EYS: variants seen among roughly 807,000 people sequenced by gnomAD.
The protein encoded by EYS is EGF-like photoreceptor maintenance factor, also known as protein eyes shut homolog.
In EYS, 250 loss-of-function variants were observed where a neutral mutation model predicts 282.1. The ratio of observed to expected loss-of-function variants is 0.89; its 90% CI spans 0.80 to 0.98. The LOEUF (loss-of-function observed/expected upper bound fraction) is 0.98, where lower values mean the gene tolerates loss of function less well. Ranked by LOEUF, EYS falls within the 50% of genes least tolerant of loss-of-function variation. The probability of loss-of-function intolerance (pLI) is 0.00; values close to 1 mark genes in which losing one functional copy is unlikely to be tolerated. For missense variants in EYS, 4,016 were observed against 3,709.0 expected, an observed-to-expected ratio of 1.08 and a Z score of -2.15; for synonymous variants, 1,355 against 1,282.9, an observed-to-expected ratio of 1.06 and a Z score of -1.20.
chr6:64,251,966 G>GAA (rs1394490982), intron 30 of EYS, among the ~76,000 whole-genome samples: 1 of 152,074 alleles, frequency 6.6e-6, no homozygotes, highest in Non-Finnish European at 1.5e-5. Flanking sequence ...ATTCTAGGCT[G>GAA]AAAAAACAGT....
At chr6:64,572,679 A>C (rs537943231) in intron 26 of EYS, among the ~76,000 whole-genome samples, 106 of 152,274 alleles carry the variant, frequency 7.0e-4, no homozygotes, top group African/African-American at 2.5e-3. Flanking sequence ...CAATTGCTAC[A>C]AAGATAATAA....
At position 64,043,248 on chromosome 6, in the gene EYS, T is replaced by C. The variant is rs1448349510; in HGVS notation, c.6725+23090A>G. ...CTAGTGCTGGTGGGTAGGTGGGCAC[T>C]GCTGGCAGGAGTATAATTGGTACAG... On this transcript the variant is annotated intron_variant, in intron 33 of 42. Coordinates refer to ENST00000503581, the MANE Select transcript of EYS (RefSeq NM_001142800.2). 3.3e-5 allele frequency among the ~76,000 whole-genome samples: 5 copies of C among 152,352 alleles called. 1 individual carries two copies. Among genetic ancestry groups the C allele is most frequent in the Non-Finnish European group, 5.9e-5 (4 of 68,032 alleles).
At chr6:65,648,076 G>T (rs528580150) in intron 1 of EYS, among the ~76,000 whole-genome samples, 2 of 152,276 alleles carry the variant, frequency 1.3e-5, no homozygotes, top group South Asian at 4.1e-4. Context: ...TACACTGTTG[G>T]TGGGAATGTA....
chr6:64,293,994 T>C (rs1028483), intron 30 of EYS, among the ~76,000 whole-genome samples: 94,578 of 151,926 alleles, frequency 0.62, 29,470 homozygotes, highest in African/African-American at 0.66. Context: ...TAATAAAATT[T>C]TTGTGCCTGA....
chr6:65,180,612 G>A (rs1184477667), intron 12 of EYS, among the ~76,000 whole-genome samples: 13 of 152,206 alleles, frequency 8.5e-5, no homozygotes, highest in East Asian at 3.9e-4. Context: ...AATCAATATC[G>A]TGAAAATGGC....
chr6:64,081,895 T>C lies in EYS; in HGVS notation c.6532A>G (p.Thr2178Ala), dbSNP rs1216318693. The change falls in exon 32 of 43, where the codon ACT becomes GCT. Residue 2178 changes from threonine to alanine, a missense_variant. Coordinates refer to ENST00000503581, the MANE Select transcript of EYS (RefSeq NM_001142800.2). ...CCATTTAAACTGTTTGTTTTTATAG[T>C]CAAGTAGATGGTAACAGTTCTGTTA... ...EHNRTVTIYL[T>A]IKTNSLNGTI... The C allele has an allele frequency of 1.1e-5, 17 of 1,542,836 alleles. No homozygotes were observed. Among genetic ancestry groups the C allele is most frequent in the Non-Finnish European group, 1.4e-5 (16 of 1,140,118 alleles).
At chr6:64,503,514 A>G (rs967159933) in intron 26 of EYS, among the ~76,000 whole-genome samples, 35 of 152,156 alleles carry the variant, frequency 2.3e-4, no homozygotes, top group African/African-American at 8.2e-4. Flanking sequence ...ATTTCTCAGG[A>G]AGGGTTTCAT....
chr6:64,027,274 A>G (rs150934661), intron 33 of EYS, among the ~76,000 whole-genome samples: 75 of 152,330 alleles, frequency 4.9e-4, no homozygotes, highest in Admixed American at 7.2e-4. Context: ...AATGTCCACC[A>G]TAACTCAGGG....
chr6:64,752,315 A>C (rs537804889), intron 22 of EYS, among the ~76,000 whole-genome samples: 1 of 152,192 alleles, frequency 6.6e-6, no homozygotes, highest in South Asian at 2.1e-4. Context: ...TTAAAAAATA[A>C]ACAAACATAA....
At chr6:64,245,935 C>T (rs985481628) in intron 30 of EYS, among the ~76,000 whole-genome samples, 25 of 135,912 alleles carry the variant, frequency 1.8e-4, no homozygotes, top group African/African-American at 5.7e-4. Flanking sequence ...AGGAGAATGG[C>T]GTGAACCCGG....
At chr6:64,803,035 G>C (rs2150009399) in intron 22 of EYS, among the ~76,000 whole-genome samples, 1 of 152,316 alleles carries the variant, frequency 6.6e-6, no homozygotes, top group Non-Finnish European at 1.5e-5. Flanking sequence ...AGCTCCCACT[G>C]CAGGCACCCA....
At chr6:65,552,212 T>C (rs1318925536) in intron 2 of EYS, among the ~76,000 whole-genome samples, 1 of 152,238 alleles carries the variant, frequency 6.6e-6, no homozygotes, top group Admixed American at 6.5e-5. Flanking sequence ...TTATCTTTCA[T>C]GGCATCTCAA....
intron 24 of EYS, among the ~76,000 whole-genome samples, chr6:64,600,820 T>C (rs1272932852): frequency 6.6e-6 from 1 of 152,116 alleles, no homozygotes; most frequent in African/African-American, 2.4e-5. Context: ...TCTAAGTACA[T>C]ACATATTTCT....
intron 33 of EYS, among the ~76,000 whole-genome samples, chr6:64,007,459 CT>C (rs1300445253): frequency 6.6e-6 from 1 of 150,472 alleles, no homozygotes; most frequent in Non-Finnish European, 1.5e-5. Context: ...GTTTTTTGAT[CT>C]TTTGTGTGTT....
At chr6:64,960,036 A>G (rs188853555) in intron 14 of EYS, among the ~76,000 whole-genome samples, 337 of 152,238 alleles carry the variant, frequency 2.2e-3, no homozygotes, top group African/African-American at 7.8e-3. Flanking sequence ...TACCAAGCAC[A>G]TAAGTGATAT....
chr6:63,828,316 A>G (rs1413663764), intron 36 of EYS, among the ~76,000 whole-genome samples: 1 of 152,208 alleles, frequency 6.6e-6, no homozygotes, highest in Non-Finnish European at 1.5e-5. Context: ...GATAAGTAAA[A>G]TTGATAGACC....
intron 30 of EYS, among the ~76,000 whole-genome samples, chr6:64,266,039 A>T (rs1003235672): frequency 3.3e-5 from 5 of 152,122 alleles, no homozygotes; most frequent in Non-Finnish European, 7.4e-5. Flanking sequence ...ATGAAAATTT[A>T]CATTTTCACA....
At chr6:65,111,660 C>T (rs974392391) in intron 12 of EYS, among the ~76,000 whole-genome samples, 4 of 152,028 alleles carry the variant, frequency 2.6e-5, no homozygotes, top group Non-Finnish European at 5.9e-5. Context: ...CCAGCCTGAC[C>T]AACATGATGA....
chr6:65,408,132 A>G (rs1412951758), intron 5 of EYS, among the ~76,000 whole-genome samples: 1 of 152,098 alleles, frequency 6.6e-6, no homozygotes, highest in Non-Finnish European at 1.5e-5. Context: ...AATCCTGGGG[A>G]AAAAATCGTA....
Sources: gnomAD v4.1 joint callset for allele counts (sites outside exome capture counted in the v4.1 genomes callset) on GRCh38, gnomAD v4.1.1 for gene constraint, MANE v1.5 for transcripts, NCBI Gene and HGNC (gene_info 2026-07-23, HGNC 2026-07-21) for gene names.